MCC: variants seen among roughly 807,000 people sequenced by gnomAD.
The protein encoded by MCC is colorectal mutant cancer protein.
Under a neutral mutation model 116.2 loss-of-function variants are expected in MCC, and 90 were observed. The observed-to-expected ratio is 0.77, with a 90% confidence interval of 0.65 to 0.92. The LOEUF (loss-of-function observed/expected upper bound fraction) is 0.92, where lower values mean the gene tolerates loss of function less well. MCC is among the 40% of genes least tolerant of loss of function. MCC has a pLI of 0.00. For synonymous variants in MCC, 578 were observed against 510.5 expected (o/e 1.13, Z -1.78); for missense variants, 1,516 against 1,312.2 (o/e 1.16, Z -2.40).
intron 17 of MCC, among the ~76,000 whole-genome samples, chr5:113,029,401 A>C (rs1750803322): frequency 6.7e-6 from 1 of 149,714 alleles, no homozygotes; most frequent in South Asian, 2.1e-4. Context: ...CTGACCACAA[A>C]CCCCCGTCTG....
chr5:113,482,158 T>C lies in MCC; in HGVS notation c.170+6087A>G, dbSNP rs575296532. Among the ~76,000 whole-genome samples, 5 of 152,358 alleles carry C rather than the reference T, an allele frequency of 3.3e-5. No individual in the cohort carries two copies. In the South Asian group the frequency reaches 1.0e-3, roughly 32 times the overall value. Reference sequence around the variant, plus strand: ...GGATACATCACATCTTGTTTATTCATTCATCAGATGATGAACATTTGGGTA... The same window carrying C: ...GGATACATCACATCTTGTTTATTCACTCATCAGATGATGAACATTTGGGTA... On this transcript the variant is annotated intron_variant, in intron 1 of 18. Coordinates refer to ENST00000408903, the MANE Select transcript of MCC (RefSeq NM_001085377.2).
At chr5:113,156,194 A>C (rs1760160254) in intron 3 of MCC, among the ~76,000 whole-genome samples, 1 of 152,218 alleles carries the variant, frequency 6.6e-6, no homozygotes, top group Non-Finnish European at 1.5e-5. Flanking sequence ...TCTGTTATAC[A>C]AAGCGCTATG....
intron 6 of MCC, among the ~76,000 whole-genome samples, chr5:113,107,927 G>A (rs76907267): frequency 0.024 from 3,677 of 152,188 alleles, 142 homozygotes; most frequent in African/African-American, 0.076. Context: ...GGCAGTTGCC[G>A]AGCCCTGACT....
chr5:113,378,105 A>C (rs934918100), intron 2 of MCC, among the ~76,000 whole-genome samples: 4 of 152,226 alleles, frequency 2.6e-5, no homozygotes, highest in Admixed American at 6.5e-5. Context: ...CTGTAGTTTT[A>C]ACTTTTTTAA....
At chr5:113,248,099 A>C (rs1764643894) in intron 3 of MCC, among the ~76,000 whole-genome samples, 1 of 152,124 alleles carries the variant, frequency 6.6e-6, no homozygotes, top group African/African-American at 2.4e-5. Flanking sequence ...AGCTAAGAAT[A>C]AAGAAAGCAT....
intron 3 of MCC, among the ~76,000 whole-genome samples, chr5:113,174,166 A>G (rs1463236180): frequency 2.6e-5 from 4 of 152,208 alleles, no homozygotes; most frequent in African/African-American, 4.8e-5. Flanking sequence ...GATTTAGGAC[A>G]TTGAGATAGC....
intron 2 of MCC, among the ~76,000 whole-genome samples, chr5:113,364,696 A>T (rs1768642331): frequency 6.6e-6 from 1 of 152,200 alleles, no homozygotes; most frequent in South Asian, 2.1e-4. Flanking sequence ...CTGGACATCC[A>T]GGCTTTTCCA....
At chr5:113,040,012 A>C (rs992303780) in intron 17 of MCC, among the ~76,000 whole-genome samples, 1 of 151,842 alleles carries the variant, frequency 6.6e-6, no homozygotes, top group Non-Finnish European at 1.5e-5. Context: ...TGGATGGACA[A>C]GAGAGAAAAC....
At chr5:113,165,845 T>C (rs144148668) in intron 3 of MCC, among the ~76,000 whole-genome samples, 102 of 152,146 alleles carry the variant, frequency 6.7e-4, no homozygotes, top group African/African-American at 2.4e-3. Flanking sequence ...TAATCACAAA[T>C]AGCACACAGC....
chr5:113,336,274 ATAGC>A (rs1767866069), intron 3 of MCC, among the ~76,000 whole-genome samples: 1 of 151,710 alleles, frequency 6.6e-6, no homozygotes, highest in Admixed American at 6.6e-5. Context: ...AAAACAAACC[ATAGC>A]AGGCACTATG....
chr5:113,104,578 CTT>C (rs1168257212), intron 6 of MCC: 1 of 409,980 alleles, frequency 2.4e-6, no homozygotes, highest in African/African-American at 2.0e-5. Flanking sequence ...TCTGAATTCT[CTT>C]GTCTTTCACT....
intron 3 of MCC, among the ~76,000 whole-genome samples, chr5:113,307,853 C>A (rs1284618379): frequency 6.6e-6 from 1 of 152,166 alleles, no homozygotes; most frequent in Non-Finnish European, 1.5e-5. Context: ...ACACTTCTTC[C>A]ATTTAAATGC....
rs535196950 is a variant in MCC at position 113,404,629 on chromosome 5, T to G, written c.171-19417A>C. 5.8e-4 allele frequency among the ~76,000 whole-genome samples: 88 copies of G among 152,368 alleles called. 1 individual carries two copies. Among genetic ancestry groups the G allele is most frequent in the African/African-American group, 2.0e-3 (84 of 41,588 alleles). On this transcript the variant is annotated intron_variant, in intron 1 of 18. Transcript: ENST00000408903. ...TGTATCCTAGGGATATGTTGATGAC[T>G]GAACAGAGTTATTCAATGCAGCACT... is the stretch of plus-strand genomic sequence containing the variant.
At chr5:113,034,689 C>T (rs2150209600) in intron 17 of MCC, among the ~76,000 whole-genome samples, 1 of 152,346 alleles carries the variant, frequency 6.6e-6, no homozygotes, top group African/African-American at 2.4e-5. Flanking sequence ...GTCTCTCATC[C>T]TCACCTTCCA....
At chr5:113,063,135 T>G (rs186104399) in intron 14 of MCC, among the ~76,000 whole-genome samples, 46 of 152,348 alleles carry the variant, frequency 3.0e-4, no homozygotes, top group African/African-American at 1.1e-3. Context: ...TGGAGTAAGT[T>G]ACCCTTCCAA....
chr5:113,138,915 C>T (rs1157596937), intron 5 of MCC, among the ~76,000 whole-genome samples: 7 of 152,166 alleles, frequency 4.6e-5, no homozygotes, highest in African/African-American at 1.4e-4. Flanking sequence ...GGTTCTATAA[C>T]TGGCCTGTTA....
chr5:113,392,066 C>T (rs1417484760), intron 1 of MCC, among the ~76,000 whole-genome samples: 1 of 151,706 alleles, frequency 6.6e-6, no homozygotes, highest in Non-Finnish European at 1.5e-5. Context: ...TATAACAACC[C>T]AGTAGAAAAA....
At chr5:113,393,152 G>A (rs1031103409) in intron 1 of MCC, among the ~76,000 whole-genome samples, 9 of 152,080 alleles carry the variant, frequency 5.9e-5, no homozygotes, top group Non-Finnish European at 1.0e-4. Flanking sequence ...AGAAGAACAG[G>A]ATTAGGGAAA....
At chr5:113,410,460 T>TA (rs1311118966) in intron 1 of MCC, among the ~76,000 whole-genome samples, 1 of 152,228 alleles carries the variant, frequency 6.6e-6, no homozygotes, top group Non-Finnish European at 1.5e-5. Context: ...GTTAAATTCT[T>TA]AGAGTTCACG....
Sources: allele counts gnomAD v4.1 joint callset (sites outside exome capture counted in the v4.1 genomes callset), GRCh38; gene constraint gnomAD v4.1.1; transcripts MANE v1.5; gene names NCBI Gene and HGNC (gene_info 2026-07-23, HGNC 2026-07-21).